RTL4: variants seen among roughly 807,000 people sequenced by gnomAD.
RTL4 encodes retrotransposon Gag like 4, also known as retrotransposon Gag-like protein 4.
A neutral mutation model predicts 5.3 loss-of-function variants in RTL4; 4 were observed. The observed-to-expected ratio is 0.75, with a 90% CI of 0.37 to 1.72. The LOEUF is 1.72. RTL4 is among the 40% of genes most tolerant of loss of function. The probability of loss-of-function intolerance (pLI) is 0.04; values close to 1 mark genes in which losing one functional copy is unlikely to be tolerated. For synonymous variants in RTL4, 98 were observed against 87.3 expected (o/e 1.12, Z -0.68); for missense variants, 260 against 227.1 (o/e 1.14, Z -0.93).
At chrX:112,151,951 A>C in the RTL4 span, among the ~76,000 whole-genome samples, 1 of 111,985 alleles carries the variant, frequency 8.9e-6, no homozygotes, top group Admixed American at 9.5e-5. Context: ...GCTTATTGAG[A>C]GTCTGATTAA....
the RTL4 span, among the ~76,000 whole-genome samples, chrX:112,283,567 A>C: frequency 9.0e-6 from 1 of 111,656 alleles, no homozygotes; most frequent in Non-Finnish European, 1.9e-5. Flanking sequence ...AATAGATAAG[A>C]ATACGGCTGC....
At chrX:112,352,328 TAC>T in the RTL4 span, among the ~76,000 whole-genome samples, 1 of 110,113 alleles carries the variant, frequency 9.1e-6, no homozygotes, top group African/African-American at 3.3e-5. Flanking sequence ...TGGAAAAAAA[TAC>T]TTTAATGTTC....
chrX:112,373,127 G>A, the RTL4 span, among the ~76,000 whole-genome samples: 26 of 111,565 alleles, frequency 2.3e-4, no homozygotes, highest in African/African-American at 6.5e-4. Flanking sequence ...TATTTTCAGT[G>A]TAACTTATGT....
At chrX:112,331,079 T>A in the RTL4 span, among the ~76,000 whole-genome samples, 1 of 98,677 alleles carries the variant, frequency 1.0e-5, no homozygotes, top group Non-Finnish European at 2.1e-5. Context: ...GGCATTACCA[T>A]TCAGGACATA....
the RTL4 span, among the ~76,000 whole-genome samples, chrX:112,301,062 C>T: frequency 9.0e-6 from 1 of 111,138 alleles, no homozygotes; most frequent in Admixed American, 9.6e-5. Context: ...GGGTTCAATA[C>T]GGAGGGGCAA....
At chrX:112,390,105 TA>T in the RTL4 span, among the ~76,000 whole-genome samples, 65 of 40,528 alleles carry the variant, frequency 1.6e-3, 1 homozygote, top group African/African-American at 6.1e-3. Flanking sequence ...CATTTATATA[TA>T]ATATATATAT....
chrX:112,120,283 T>C, the RTL4 span, among the ~76,000 whole-genome samples: 1 of 112,267 alleles, frequency 8.9e-6, no homozygotes, highest in Non-Finnish European at 1.9e-5. Flanking sequence ...TTTGTTTGTT[T>C]GTTTTGTTTT....
the RTL4 span, among the ~76,000 whole-genome samples, chrX:112,332,957 C>G: frequency 9.0e-6 from 1 of 110,720 alleles, no homozygotes; most frequent in Non-Finnish European, 1.9e-5. Context: ...TGTTACATCT[C>G]ATTTGTTGGT....
chrX:112,258,477 A>G, the RTL4 span, among the ~76,000 whole-genome samples: 3 of 111,931 alleles, frequency 2.7e-5, no homozygotes, highest in Non-Finnish European at 5.6e-5. Context: ...CATTTTTTAA[A>G]TGTATTTAAT....
chrX:112,437,870 G>A, the RTL4 span, among the ~76,000 whole-genome samples: 1 of 107,575 alleles, frequency 9.3e-6, no homozygotes, highest in Non-Finnish European at 1.9e-5. Flanking sequence ...AGGTTGTTAT[G>A]TCTTGCCTCT....
At chrX:112,186,741 A>G in the RTL4 span, among the ~76,000 whole-genome samples, 4 of 111,931 alleles carry the variant, frequency 3.6e-5, no homozygotes, top group African/African-American at 1.3e-4. Flanking sequence ...ATGAGTTGTG[A>G]TTGTAGAACT....
At chrX:112,211,173 G>A in the RTL4 span, among the ~76,000 whole-genome samples, 1 of 112,043 alleles carries the variant, frequency 8.9e-6, no homozygotes, top group Non-Finnish European at 1.9e-5. Context: ...ATAGACAACT[G>A]AAGGCTTGGA....
chrX:112,333,905 AT>A, the RTL4 span, among the ~76,000 whole-genome samples: 3 of 110,155 alleles, frequency 2.7e-5, no homozygotes, highest in East Asian at 2.9e-4. Context: ...AATTCTTTCT[AT>A]TTTTTGTACC....
At chrX:112,211,739 C>G in the RTL4 span, among the ~76,000 whole-genome samples, 1 of 112,304 alleles carries the variant, frequency 8.9e-6, no homozygotes, top group Non-Finnish European at 1.9e-5. Flanking sequence ...TTGCTTCCCT[C>G]TCTCCCACAA....
At chrX:112,168,680 G>T in the RTL4 span, among the ~76,000 whole-genome samples, 1 of 111,798 alleles carries the variant, frequency 8.9e-6, no homozygotes, top group African/African-American at 3.3e-5. Flanking sequence ...ACATCAGAAG[G>T]TTACCCTATA....
At chrX:112,111,811 A>T in the RTL4 span, among the ~76,000 whole-genome samples, 1 of 111,666 alleles carries the variant, frequency 9.0e-6, no homozygotes, top group African/African-American at 3.3e-5. Context: ...AGCTAAGGGG[A>T]CTTCTAAGAG....
chrX:112,448,738 C>A, the RTL4 span, among the ~76,000 whole-genome samples: 1 of 111,865 alleles, frequency 8.9e-6, no homozygotes, highest in East Asian at 2.8e-4. Context: ...TCTCTGAGAA[C>A]AATGAGAGTC....
At chrX:112,444,795 G>A in the RTL4 span, among the ~76,000 whole-genome samples, 17 of 111,725 alleles carry the variant, frequency 1.5e-4, no homozygotes, top group Admixed American at 4.8e-4. Context: ...TTTATTGACA[G>A]ATAGTTGTTC....
the RTL4 span, among the ~76,000 whole-genome samples, chrX:112,331,143 C>T: frequency 4.0e-5 from 4 of 100,969 alleles, no homozygotes; most frequent in Non-Finnish European, 6.1e-5. Flanking sequence ...CAACAAAAGC[C>T]AAAATTGACA....
Sources: gnomAD v4.1 joint callset for allele counts (sites outside exome capture counted in the v4.1 genomes callset) on GRCh38, gnomAD v4.1.1 for gene constraint, MANE v1.5 for transcripts, NCBI Gene and HGNC (gene_info 2026-07-23, HGNC 2026-07-21) for gene names.